SEC24A: variants seen among roughly 807,000 people sequenced by gnomAD.
SEC24A encodes the protein protein transport protein Sec24A.
In SEC24A, 93 loss-of-function variants were observed where a neutral mutation model predicts 129.4. That is an observed-to-expected ratio of 0.72 (90% CI 0.61 to 0.85). The LOEUF (loss-of-function observed/expected upper bound fraction) is 0.85. Among genes scored for constraint, SEC24A ranks in the 40% least tolerant of loss-of-function variants. The pLI is 0.00. For synonymous variants in SEC24A, 460 were observed against 467.3 expected (o/e 0.98, Z 0.20); for missense variants, 1,264 against 1,307.4 (o/e 0.97, Z 0.51).
At chr5:134,657,425 A>G (rs549977108) in intron 1 of SEC24A, among the ~76,000 whole-genome samples, 3 of 152,210 alleles carry the variant, frequency 2.0e-5, no homozygotes, top group African/African-American at 4.8e-5. Flanking sequence ...TCAGAAACCT[A>G]GGAGTCATCC....
At chr5:134,704,419 G>T (rs1000931595) in intron 16 of SEC24A, among the ~76,000 whole-genome samples, 2 of 152,006 alleles carry the variant, frequency 1.3e-5, no homozygotes, top group South Asian at 2.1e-4. Flanking sequence ...GTTCAAAAAA[G>T]AGATTTTTAA....
At chr5:134,723,447 A>T in intron 21 of SEC24A, 120 bp from the exon 22 acceptor site, 1 of 600,692 alleles carries the variant, frequency 1.7e-6, no homozygotes, top group Non-Finnish European at 2.9e-6. Context: ...CTGTCAACAG[A>T]GGCCTTGTCT....
chr5:134,707,391 G>A (rs1464174633), intron 17 of SEC24A, among the ~76,000 whole-genome samples: 3 of 151,160 alleles, frequency 2.0e-5, no homozygotes, highest in South Asian at 2.1e-4. Flanking sequence ...GTGCAGTGGC[G>A]TGATCTCGGC....
At chr5:134,657,486 A>C (rs1750288635) in intron 1 of SEC24A, among the ~76,000 whole-genome samples, 1 of 152,132 alleles carries the variant, frequency 6.6e-6, no homozygotes. Flanking sequence ...ATAAAATCCC[A>C]TGAATGCTGT....
In SEC24A at chr5:134,675,147, C is replaced by T. The variant is rs769479752; in HGVS notation, c.1081C>T (p.Pro361Ser). 26 of 1,613,726 alleles carry T rather than the reference C, an allele frequency of 1.6e-5. No individual in the cohort carries two copies. The highest frequency in any genetic ancestry group is 2.2e-5 in the Non-Finnish European group (26 of 1,179,742). Residue 361 changes from proline to serine, a missense_variant, in exon 6 of 23, where the codon CCG (proline) becomes TCG (serine). By Grantham distance (74) the Pro-to-Ser change is moderately conservative. Coordinates refer to ENST00000398844, the MANE Select transcript of SEC24A (RefSeq NM_021982.3). ...TCTTCTTCAAGAAAGAAACATGCTT[C>T]CGTCAACACCTTTGAAGCCTCCAGT... is the stretch of plus-strand genomic sequence containing the variant. ...VNLLQERNML[P>S]STPLKPPVPN...
In SEC24A at chr5:134,674,604, C is replaced by T. The variant is rs1469326537; in HGVS notation, c.818-11C>T. On this transcript the variant is annotated splice_polypyrimidine_tract_variant and intron_variant, in intron 4 of 22. Coordinates refer to ENST00000398844, the MANE Select transcript of SEC24A (RefSeq NM_021982.3). ...GTATAAAATAGAACTTAAAAGTTAC[C>T]TTGTTTCTAGCAACACCACAGCTTA... is the stretch of plus-strand genomic sequence containing the variant. 6.2e-7 allele frequency: 1 copy of T among 1,605,740 alleles called. No individual in the cohort carries two copies. Among genetic ancestry groups the T allele is most frequent in the Admixed American group, 1.7e-5 (1 of 58,312 alleles).
intron 2 of SEC24A, among the ~76,000 whole-genome samples, chr5:134,661,977 G>A (rs909942999): frequency 6.7e-6 from 1 of 150,340 alleles, no homozygotes; most frequent in Admixed American, 6.7e-5. Flanking sequence ...TTACAGGCAC[G>A]TGCCACTGCA....
chr5:134,681,442 TTGTGTGTGTGTGTGTGTG>T (rs34487329), intron 8 of SEC24A, among the ~76,000 whole-genome samples: 1 of 143,698 alleles, frequency 7.0e-6, no homozygotes. Flanking sequence ...GTTTTATTGT[TTGTGTGTGTGTGTGTGTG>T]TGTGTGTGTG....
chr5:134,652,505 C>T (rs1332139774), intron 1 of SEC24A, among the ~76,000 whole-genome samples: 1 of 151,872 alleles, frequency 6.6e-6, no homozygotes, highest in African/African-American at 2.4e-5. Context: ...AGGCTGGTCT[C>T]GAACTCCCGA....
At chr5:134,673,875 C>G (rs551182790) in intron 4 of SEC24A, among the ~76,000 whole-genome samples, 30 of 152,200 alleles carry the variant, frequency 2.0e-4, no homozygotes, top group African/African-American at 7.2e-4. Flanking sequence ...TGGCTCATGG[C>G]CTGTAATCCT....
chr5:134,674,497 A>G (rs1357929591), intron 4 of SEC24A, 118 bp from the exon 5 acceptor site: 4 of 832,112 alleles, frequency 4.8e-6, no homozygotes, highest in Non-Finnish European at 5.5e-6. Flanking sequence ...TGATTGCACC[A>G]CTGCACTGCA....
At chr5:134,709,753 C>G (rs1752265828) in intron 18 of SEC24A, among the ~76,000 whole-genome samples, 1 of 152,120 alleles carries the variant, frequency 6.6e-6, no homozygotes, top group South Asian at 2.1e-4. Flanking sequence ...CATAGCATCC[C>G]TTTATACCTC....
chr5:134,686,622 C>T (rs1380855903), intron 9 of SEC24A, among the ~76,000 whole-genome samples, 168 bp from the exon 10 acceptor site: 1 of 152,154 alleles, frequency 6.6e-6, no homozygotes, highest in African/African-American at 2.4e-5. Context: ...CTCATTTTTC[C>T]TTTAAGTGTA....
At chr5:134,699,301 C>CGTTTTTTTTTTTTTTTTTTTTTTTTTTTT (rs1429369613) in intron 15 of SEC24A, among the ~76,000 whole-genome samples, 38 of 138,416 alleles carry the variant, frequency 2.7e-4, no homozygotes, top group African/African-American at 9.9e-4. Context: ...CCATTTTATC[C>CGTTTTTTTTTTTTTTTTTTTTTTTTTTTT]TTTTTTTTTT....
intron 20 of SEC24A, among the ~76,000 whole-genome samples, chr5:134,719,245 A>G (rs1272803153): frequency 6.6e-6 from 1 of 151,922 alleles, no homozygotes; most frequent in Non-Finnish European, 1.5e-5. Flanking sequence ...AGCCAGACAT[A>G]GTGGCTCCAG....
At chr5:134,652,955 C>T (rs1384565540) in intron 1 of SEC24A, among the ~76,000 whole-genome samples, 87 of 151,874 alleles carry the variant, frequency 5.7e-4, no homozygotes, top group Middle Eastern at 3.4e-3. Flanking sequence ...CCACCACACC[C>T]GGCTAATTTT....
At chr5:134,671,939 TA>T in intron 4 of SEC24A, 53 bp downstream of exon 4, 1 of 1,044,040 alleles carries the variant, frequency 9.6e-7, no homozygotes, top group Non-Finnish European at 1.5e-6. Flanking sequence ...ATTATAGAAA[TA>T]ATATGTGGTA....
chr5:134,717,750 T>C (rs1752519111), intron 19 of SEC24A, among the ~76,000 whole-genome samples: 2 of 151,404 alleles, frequency 1.3e-5, no homozygotes, highest in South Asian at 4.2e-4. Context: ...ACTCCGTCTC[T>C]ACTAAAAATA....
Position 134,692,624 on chromosome 5 carries a change from G to A in SEC24A, c.1746G>A (p.Glu582=). 1 of 1,414,510 alleles carries A rather than the reference G, an allele frequency of 7.1e-7. No homozygotes were observed. The highest frequency in any genetic ancestry group is 1.8e-5 in the Admixed American group (1 of 56,568). The allele number at this position is 1,414,510 out of a possible 1,614,324, so 87.6% of individuals were successfully genotyped here. A position where few individuals can be genotyped will look rare whatever the true frequency, so the allele number is the denominator to read the frequency against. The change falls in exon 12 of 23, where the codon GAG becomes GAA. Residue 582 remains glutamate, a synonymous_variant. Transcript: ENST00000398844. ...CAGATGTTTTTATACCTATGCCAGA[G>A]AACTTATTAGTAAACTTAAATGAAA... ...DIEDVFIPMP[E]NLLVNLNESK... is the part of the protein sequence containing the mutation.
Sources: allele counts gnomAD v4.1 joint callset (sites outside exome capture counted in the v4.1 genomes callset), GRCh38; gene constraint gnomAD v4.1.1; transcripts MANE v1.5; gene names NCBI Gene and HGNC (gene_info 2026-07-23, HGNC 2026-07-21).